Variants in GALNT13 observed in about 807,000 individuals in gnomAD.
The protein encoded by GALNT13 is polypeptide N-acetylgalactosaminyltransferase 13.
GALNT13 carries 28 observed loss-of-function variants against 64.2 expected under a neutral mutation model. The ratio of observed to expected loss-of-function variants is 0.44; its 90% CI spans 0.32 to 0.60. The LOEUF is 0.60. Ranked by LOEUF, GALNT13 falls within the 20% of genes least tolerant of loss-of-function variation. GALNT13 has a pLI of 0.05. For synonymous variants in GALNT13, 214 were observed against 224.6 expected, an observed-to-expected ratio of 0.95 and a Z score of 0.42; for missense variants, 577 against 669.8, an observed-to-expected ratio of 0.86 and a Z score of 1.53.
At chr2:153,584,826 T>C in the GALNT13 span, among the ~76,000 whole-genome samples, 1 of 152,278 alleles carries the variant, frequency 6.6e-6, no homozygotes, top group Middle Eastern at 3.4e-3. Flanking sequence ...CAGATACCAC[T>C]AATGCTATTT....
At chr2:154,087,508 TTGAC>T (rs1170235315) in intron 3 of GALNT13, among the ~76,000 whole-genome samples, 3 of 152,088 alleles carry the variant, frequency 2.0e-5, no homozygotes, top group Admixed American at 6.6e-5. Flanking sequence ...ATACACTTAC[TTGAC>T]TAAGTCTATG....
chr2:154,337,126 C>T (rs1695500023), intron 9 of GALNT13, among the ~76,000 whole-genome samples: 1 of 151,956 alleles, frequency 6.6e-6, no homozygotes, highest in African/African-American at 2.4e-5. Context: ...ACAGGTATTC[C>T]AAGTTAGAGG....
chr2:153,509,047 G>C, the GALNT13 span, among the ~76,000 whole-genome samples: 2 of 152,206 alleles, frequency 1.3e-5, no homozygotes, highest in Non-Finnish European at 2.9e-5. Flanking sequence ...ACCCTTCCCA[G>C]TTTGGGGGAT....
At chr2:154,310,651 C>T (rs945030691) in intron 9 of GALNT13, among the ~76,000 whole-genome samples, 2 of 152,056 alleles carry the variant, frequency 1.3e-5, no homozygotes, top group Admixed American at 6.6e-5. Flanking sequence ...AAAAAAGTTA[C>T]AGAAACCCTC....
At chr2:153,788,380 C>T in the GALNT13 span, among the ~76,000 whole-genome samples, 1 of 150,678 alleles carries the variant, frequency 6.6e-6, no homozygotes, top group Non-Finnish European at 1.5e-5. Context: ...AGATCCTTTT[C>T]AGCCAAGTAA....
chr2:154,152,082 C>A (rs1416093200), intron 4 of GALNT13, among the ~76,000 whole-genome samples: 1 of 152,174 alleles, frequency 6.6e-6, no homozygotes. Context: ...TTGTTCCTTT[C>A]CATGTTCAGT....
intron 7 of GALNT13, among the ~76,000 whole-genome samples, chr2:154,248,895 T>C (rs552303886): frequency 2.0e-5 from 3 of 152,326 alleles, no homozygotes; most frequent in South Asian, 2.1e-4. Flanking sequence ...GGGGAAAATA[T>C]ATTTATTGTA....
intron 4 of GALNT13, among the ~76,000 whole-genome samples, chr2:154,225,133 T>TGAC (rs1553499066): frequency 1.4e-3 from 139 of 101,974 alleles, no homozygotes; most frequent in Admixed American, 6.0e-3. Flanking sequence ...GATAGATAGA[T>TGAC]AGATAGATAG....
the GALNT13 span, among the ~76,000 whole-genome samples, chr2:153,549,923 T>C: frequency 2.6e-5 from 4 of 152,334 alleles, no homozygotes; most frequent in East Asian, 7.7e-4. Context: ...CCTTGGTTTT[T>C]TGAAGATCTT....
chr2:153,228,979 C>T, the GALNT13 span, among the ~76,000 whole-genome samples: 38 of 151,228 alleles, frequency 2.5e-4, no homozygotes, highest in Non-Finnish European at 4.9e-4. Context: ...TTGTTTTTTA[C>T]CAAAAAACAA....
chr2:153,911,319 G>A (rs577909923), intron 2 of GALNT13, among the ~76,000 whole-genome samples: 14 of 152,178 alleles, frequency 9.2e-5, no homozygotes, highest in Non-Finnish European at 2.1e-4. Context: ...TGTGTGATAG[G>A]TCTCTTGAAG....
At chr2:153,991,219 C>T (rs1558893615) in intron 3 of GALNT13, among the ~76,000 whole-genome samples, 1 of 152,150 alleles carries the variant, frequency 6.6e-6, no homozygotes, top group Non-Finnish European at 1.5e-5. Flanking sequence ...CTGTTTAACA[C>T]ATTCCAATAA....
At chr2:154,364,831 T>C (rs189936564) in intron 9 of GALNT13, among the ~76,000 whole-genome samples, 23 of 152,222 alleles carry the variant, frequency 1.5e-4, no homozygotes, top group Admixed American at 1.4e-3. Context: ...CCACCATACC[T>C]GGCTAATTTT....
At chr2:154,206,314 T>A (rs1431367049) in intron 4 of GALNT13, among the ~76,000 whole-genome samples, 1 of 152,026 alleles carries the variant, frequency 6.6e-6, no homozygotes, top group Non-Finnish European at 1.5e-5. Flanking sequence ...ATTTTTATTA[T>A]TTTTGTAGGA....
chr2:153,576,451 C>T, the GALNT13 span, among the ~76,000 whole-genome samples: 1 of 152,190 alleles, frequency 6.6e-6, no homozygotes, highest in Admixed American at 6.5e-5. Context: ...GGGGATTTCC[C>T]TCTGGCTAGG....
chr2:153,783,042 T>A, the GALNT13 span, among the ~76,000 whole-genome samples: 1 of 151,954 alleles, frequency 6.6e-6, no homozygotes, highest in African/African-American at 2.4e-5. Flanking sequence ...CTAGAGTGAG[T>A]GAAAATTGAG....
intron 3 of GALNT13, among the ~76,000 whole-genome samples, chr2:154,015,605 C>T (rs929332014): frequency 2.0e-5 from 3 of 152,156 alleles, no homozygotes; most frequent in African/African-American, 7.2e-5. Flanking sequence ...TATTTTCTGT[C>T]CACTTGAAAA....
the GALNT13 span, among the ~76,000 whole-genome samples, chr2:153,516,567 C>T: frequency 6.6e-6 from 1 of 151,980 alleles, no homozygotes; most frequent in Non-Finnish European, 1.5e-5. Context: ...CTGGTTTCTT[C>T]TGTTTCCTTA....
intron 4 of GALNT13, among the ~76,000 whole-genome samples, chr2:154,188,180 G>C (rs1686367623): frequency 6.6e-6 from 1 of 152,028 alleles, no homozygotes; most frequent in Non-Finnish European, 1.5e-5. Context: ...CAAATGTCAG[G>C]GAAGGAACTC....
Sources: gnomAD v4.1 joint callset for allele counts (sites outside exome capture counted in the v4.1 genomes callset) on GRCh38, gnomAD v4.1.1 for gene constraint, MANE v1.5 for transcripts, NCBI Gene and HGNC (gene_info 2026-07-23, HGNC 2026-07-21) for gene names.